The following ARHGAP15 variants were observed in gnomAD, a reference collection of about 807,000 sequenced individuals.
ARHGAP15 encodes Rho GTPase activating protein 15.
ARHGAP15 carries 51 observed loss-of-function variants against 63.7 expected under a neutral mutation model. The observed-to-expected ratio is 0.80, with a 90% CI of 0.64 to 1.01. The LOEUF (loss-of-function observed/expected upper bound fraction) is 1.01. Among genes scored for constraint, ARHGAP15 ranks in the 50% least tolerant of loss-of-function variants. The probability of loss-of-function intolerance (pLI) is 0.00; values close to 1 mark genes in which losing one functional copy is unlikely to be tolerated. For missense variants in ARHGAP15, 560 were observed against 564.6 expected (o/e 0.99, Z 0.08); for synonymous variants, 191 against 193.8 (o/e 0.99, Z 0.12).
chr2:143,673,742 GTGTGTGTGTGTGTGTGTATATA>G lies in ARHGAP15; in HGVS notation c.1139-29675_1139-29654del, dbSNP rs1360054594. ...TTATATTGTGTGTGTGTGTGTGTGTGTGTGTGTGTGTGTGTGTATATATATATATATATATATATATAAACAA... is the reference window on the plus strand; with the variant it reads ...TTATATTGTGTGTGTGTGTGTGTGTGTATATATATATATATATATAAACAA... On this transcript the variant is annotated intron_variant, in intron 12 of 13. Transcript: ENST00000295095. Among the ~76,000 whole-genome samples, 20 of 25,950 alleles carry G rather than the reference GTGTGTGTGTGTGTGTGTATATA, an allele frequency of 7.7e-4. No individual in the cohort carries two copies. In the East Asian group the frequency reaches 0.017, roughly 22 times the overall value. 17.0% of individuals were successfully genotyped at this position (25,950 alleles called of 152,430 possible).
chr2:143,330,122 A>AC lies in ARHGAP15; in HGVS notation c.474+79522_474+79523insC, dbSNP rs1684466371. ...AAAAAAAAAAAAAAAAAAAAAAAAA[A>AC]AAAAAAAAACCAAAAACAAAAAACT... On this transcript the variant is annotated intron_variant, in intron 6 of 13. Transcript: ENST00000295095. Among the ~76,000 whole-genome samples the AC allele has an allele frequency of 3.7e-5, 3 of 81,390 alleles. 1 individual carries two copies. The highest frequency in any genetic ancestry group is 1.3e-4 in the African/African-American group (3 of 23,390). 53.4% of individuals were successfully genotyped at this position (81,390 alleles called of 152,430 possible).
At chr2:143,199,756 A>G (rs970895611) in intron 2 of ARHGAP15, among the ~76,000 whole-genome samples, 3 of 152,082 alleles carry the variant, frequency 2.0e-5, no homozygotes, top group African/African-American at 7.2e-5. Context: ...GTGAACGGCC[A>G]TACCCTTCAC....
intron 6 of ARHGAP15, among the ~76,000 whole-genome samples, chr2:143,279,933 TGAGTCACTGGATCCA>T (rs1336284297): frequency 2.0e-5 from 3 of 152,124 alleles, no homozygotes; most frequent in African/African-American, 7.2e-5. Context: ...GAGAAGCCAG[TGAGTCACTGGATCCA>T]CTGGAGATCT....
At chr2:143,620,514 A>G (rs1331279634) in intron 11 of ARHGAP15, among the ~76,000 whole-genome samples, 1 of 152,232 alleles carries the variant, frequency 6.6e-6, no homozygotes, top group Non-Finnish European at 1.5e-5. Flanking sequence ...TACAATCTTG[A>G]CATAATAGTC....
intron 13 of ARHGAP15, among the ~76,000 whole-genome samples, chr2:143,705,963 AAT>A (rs1279118461): frequency 6.6e-6 from 1 of 152,200 alleles, no homozygotes; most frequent in African/African-American, 2.4e-5. Flanking sequence ...CATTTAGTTC[AAT>A]AGAGATGGAA....
chr2:143,290,342 G>A (rs1361456129), intron 6 of ARHGAP15, among the ~76,000 whole-genome samples: 1 of 151,898 alleles, frequency 6.6e-6, no homozygotes, highest in Non-Finnish European at 1.5e-5. Flanking sequence ...GGTAATGTAA[G>A]GGAATAAAGT....
intron 13 of ARHGAP15, among the ~76,000 whole-genome samples, chr2:143,706,084 C>CA (rs1185269399): frequency 3.3e-5 from 5 of 152,120 alleles, no homozygotes; most frequent in Non-Finnish European, 7.4e-5. Flanking sequence ...TGCTAGCCAC[C>CA]AACCTTTCTT....
intron 6 of ARHGAP15, among the ~76,000 whole-genome samples, chr2:143,274,002 C>A (rs1306397031): frequency 1.3e-5 from 2 of 152,014 alleles, no homozygotes. Flanking sequence ...CATGAACTTT[C>A]CAGAAAAGTA....
chr2:143,346,336 A>G (rs541694130), intron 6 of ARHGAP15, among the ~76,000 whole-genome samples: 4 of 152,014 alleles, frequency 2.6e-5, no homozygotes, highest in African/African-American at 9.6e-5. Context: ...TTCTTCCAAA[A>G]TAAAGAGTTA....
rs1163108514 is a variant in ARHGAP15, at chr2:143,487,510, A to G, written c.826+15A>G. 2.5e-6 allele frequency: 4 copies of G among 1,609,810 alleles called. No individual in the cohort carries two copies. The highest frequency in any genetic ancestry group is 3.4e-6 in the Non-Finnish European group (4 of 1,178,646). ...ACTTATTAAAGGTACAGGTCATTTT[A>G]TACTTGTACTATAACTGTGATAAAT... On this transcript the variant is annotated intron_variant, in intron 9 of 13. Coordinates refer to ENST00000295095, the MANE Select transcript of ARHGAP15 (RefSeq NM_018460.4).
intron 11 of ARHGAP15, among the ~76,000 whole-genome samples, chr2:143,562,958 C>T (rs909446988): frequency 1.3e-5 from 2 of 152,106 alleles, no homozygotes; most frequent in African/African-American, 2.4e-5. Flanking sequence ...AAAACTATAC[C>T]ACACATTTAC....
At chr2:143,344,999 T>C (rs573038386) in intron 6 of ARHGAP15, among the ~76,000 whole-genome samples, 1 of 152,220 alleles carries the variant, frequency 6.6e-6, no homozygotes, top group East Asian at 1.9e-4. Flanking sequence ...AGAAGGCCTC[T>C]CTTACTTCAA....
At chr2:143,555,390 A>G (rs1695741252) in intron 10 of ARHGAP15, among the ~76,000 whole-genome samples, 1 of 152,188 alleles carries the variant, frequency 6.6e-6, no homozygotes, top group African/African-American at 2.4e-5. Flanking sequence ...AGAAACTGCT[A>G]AGACCTCTGC....
chr2:143,383,300 A>T (rs1687134944), intron 6 of ARHGAP15, among the ~76,000 whole-genome samples: 1 of 152,186 alleles, frequency 6.6e-6, no homozygotes, highest in Non-Finnish European at 1.5e-5. Context: ...AATGGAGGAA[A>T]ATAGAACACT....
intron 13 of ARHGAP15, among the ~76,000 whole-genome samples, chr2:143,735,623 A>G (rs1267328465): frequency 1.3e-5 from 2 of 152,086 alleles, no homozygotes; most frequent in African/African-American, 4.8e-5. Flanking sequence ...TCCATTCTCT[A>G]TGGCAGAGGA....
At chr2:143,276,857 T>C (rs1048020830) in intron 6 of ARHGAP15, among the ~76,000 whole-genome samples, 1 of 152,178 alleles carries the variant, frequency 6.6e-6, no homozygotes, top group Non-Finnish European at 1.5e-5. Context: ...TGGTGATGCT[T>C]AATAGTATGT....
intron 6 of ARHGAP15, among the ~76,000 whole-genome samples, chr2:143,430,030 G>A (rs1048918495): frequency 6.6e-6 from 1 of 152,050 alleles, no homozygotes; most frequent in East Asian, 1.9e-4. Flanking sequence ...CTAGTGGCTT[G>A]TTCCTCATAC....
intron 3 of ARHGAP15, among the ~76,000 whole-genome samples, chr2:143,215,762 T>C (rs760980928): frequency 3.3e-5 from 5 of 152,228 alleles, no homozygotes; most frequent in Non-Finnish European, 7.3e-5. Flanking sequence ...TAATGACTTG[T>C]TGAATTTCCT....
intron 1 of ARHGAP15, among the ~76,000 whole-genome samples, chr2:143,153,821 CTTCT>C (rs1689945394): frequency 2.3e-4 from 20 of 86,772 alleles, no homozygotes; most frequent in Admixed American, 4.1e-4. Flanking sequence ...TCTTCTTCTT[CTTCT>C]TCTTCTTCTT....
Sources: allele counts gnomAD v4.1 joint callset (sites outside exome capture counted in the v4.1 genomes callset), GRCh38; gene constraint gnomAD v4.1.1; transcripts MANE v1.5; gene names NCBI Gene and HGNC (gene_info 2026-07-23, HGNC 2026-07-21).